The following MTUS2 variants were observed in gnomAD, a reference collection of about 807,000 sequenced individuals.
MTUS2 encodes the protein microtubule-associated tumor suppressor candidate 2.
A neutral mutation model predicts 114.1 loss-of-function variants in MTUS2; 40 were observed. That is an observed-to-expected ratio of 0.35 (90% CI 0.27 to 0.46). The LOEUF (loss-of-function observed/expected upper bound fraction) is 0.46. Ranked by LOEUF, MTUS2 falls within the 20% of genes least tolerant of loss-of-function variation. MTUS2 has a pLI of 1.00. For synonymous variants in MTUS2, 688 were observed against 672.0 expected (o/e 1.02, Z -0.37); for missense variants, 1,679 against 1,705.4 (o/e 0.98, Z 0.27).
chr13:29,249,451 C>G (rs749301834), intron 5 of MTUS2, among the ~76,000 whole-genome samples: 1 of 152,172 alleles, frequency 6.6e-6, no homozygotes, highest in Non-Finnish European at 1.5e-5. Flanking sequence ...TCCTGTTTCT[C>G]CACAGCCTCA....
intron 6 of MTUS2, among the ~76,000 whole-genome samples, chr13:29,306,613 A>C (rs954267583): frequency 6.6e-6 from 1 of 152,234 alleles, no homozygotes; most frequent in Non-Finnish European, 1.5e-5. Flanking sequence ...GGAAAACTAC[A>C]TACCACTGCT....
At chr13:28,878,528 CCT>C (rs1364148350) in intron 2 of MTUS2, among the ~76,000 whole-genome samples, 2 of 152,130 alleles carry the variant, frequency 1.3e-5, no homozygotes, top group East Asian at 3.9e-4. Flanking sequence ...TGTTCTTCTC[CCT>C]GTGTCCATGT....
intron 4 of MTUS2, among the ~76,000 whole-genome samples, chr13:29,090,748 T>C (rs1303530680): frequency 1.3e-5 from 2 of 152,156 alleles, no homozygotes; most frequent in African/African-American, 4.8e-5. Context: ...TCTCTTTAGG[T>C]CTGGTAGCTA....
intron 8 of MTUS2, among the ~76,000 whole-genome samples, chr13:29,392,546 G>C (rs887246686): frequency 1.3e-5 from 2 of 152,200 alleles, no homozygotes; most frequent in Admixed American, 6.5e-5. Flanking sequence ...TTTGTTTAAA[G>C]TCAGGCATAT....
At chr13:29,468,614 T>A (rs1038903128) in intron 9 of MTUS2, among the ~76,000 whole-genome samples, 1 of 147,034 alleles carries the variant, frequency 6.8e-6, no homozygotes, top group Admixed American at 6.7e-5. Context: ...ACACACACAT[T>A]ACTGAGATTT....
At chr13:29,324,106 C>G (rs1472373605) in intron 6 of MTUS2, among the ~76,000 whole-genome samples, 1 of 152,188 alleles carries the variant, frequency 6.6e-6, no homozygotes, top group African/African-American at 2.4e-5. Context: ...AGCTAAAAGG[C>G]TCTCTAGGTC....
chr13:29,059,228 A>ATTTTTTTTTTTTTTTTTTTTTTTGGTT (rs35369352), intron 4 of MTUS2, among the ~76,000 whole-genome samples: 1 of 97,128 alleles, frequency 1.0e-5, no homozygotes, highest in Non-Finnish European at 1.9e-5. Flanking sequence ...TATTCTTTGG[A>ATTTTTTTTTTTTTTTTTTTTTTTGGTT]TTTTTTTTTT....
Position 29,133,656 on chromosome 13 carries a change from C to T in MTUS2, c.2644+32686C>T, listed in dbSNP as rs552212370. Among the ~76,000 whole-genome samples, 25 of 152,266 alleles carry T rather than the reference C, an allele frequency of 1.6e-4. 1 individual carries two copies. The South Asian group carries it at 2.7e-3, about 16-fold the overall frequency. On this transcript the variant is annotated intron_variant, in intron 5 of 15. Coordinates refer to ENST00000612955, the MANE Select transcript of MTUS2 (RefSeq NM_001033602.4). The stretch of plus-strand genomic sequence containing the variant: ...ATGGCACCTTGTTAAAATCATTTGA[C>T]CATAAATGTAAGGGTTTACTTTTGG...
chr13:28,937,750 G>A (rs1881988027), intron 2 of MTUS2, among the ~76,000 whole-genome samples: 1 of 152,116 alleles, frequency 6.6e-6, no homozygotes, highest in Non-Finnish European at 1.5e-5. Flanking sequence ...CCCTGAGTGG[G>A]GTGCAGTGAC....
At chr13:29,283,164 G>T (rs1037395661) in intron 6 of MTUS2, among the ~76,000 whole-genome samples, 2 of 152,186 alleles carry the variant, frequency 1.3e-5, no homozygotes, top group Non-Finnish European at 2.9e-5. Flanking sequence ...CTTGATGGGA[G>T]TGAAGTATTA....
intron 12 of MTUS2, among the ~76,000 whole-genome samples, chr13:29,493,748 G>A (rs1387740592): frequency 3.9e-5 from 6 of 152,138 alleles, no homozygotes; most frequent in African/African-American, 1.2e-4. Flanking sequence ...CAATAGTTGC[G>A]CTATCCTTAA....
At chr13:29,142,061 T>C (rs750975945) in intron 5 of MTUS2, among the ~76,000 whole-genome samples, 34 of 152,082 alleles carry the variant, frequency 2.2e-4, no homozygotes, top group East Asian at 1.9e-4. Flanking sequence ...GGGGTTTCAC[T>C]GTGTTAGCCA....
At chr13:29,013,499 T>G (rs1225232195) in intron 2 of MTUS2, among the ~76,000 whole-genome samples, 1 of 152,228 alleles carries the variant, frequency 6.6e-6, no homozygotes, top group African/African-American at 2.4e-5. Context: ...ATCCCATGCT[T>G]TATTTTAGGT....
At chr13:29,390,057 ATATATACACATACATATACACATACG>A (rs1873291458) in intron 8 of MTUS2, among the ~76,000 whole-genome samples, 1 of 1,298 alleles carries the variant, frequency 7.7e-4, no homozygotes, top group Admixed American at 0.026. Flanking sequence ...ATACACATAC[ATATATACACATACATATACACATACG>A]TATATGTACA....
At chr13:29,104,828 C>T (rs910460651) in intron 5 of MTUS2, among the ~76,000 whole-genome samples, 3 of 152,298 alleles carry the variant, frequency 2.0e-5, no homozygotes, top group Non-Finnish European at 4.4e-5. Flanking sequence ...GTAAACTTAA[C>T]ATATCGGTCT....
intron 8 of MTUS2, among the ~76,000 whole-genome samples, chr13:29,365,596 G>A (rs548693105): frequency 6.6e-6 from 1 of 151,784 alleles, no homozygotes; most frequent in South Asian, 2.1e-4. Flanking sequence ...TTCAGCTGCT[G>A]CTTTGCAGAA....
At chr13:29,342,834 T>G (rs1468566640) in intron 7 of MTUS2, among the ~76,000 whole-genome samples, 1 of 152,172 alleles carries the variant, frequency 6.6e-6, no homozygotes, top group Non-Finnish European at 1.5e-5. Context: ...GTATGTCCTT[T>G]CTGTGCTGAT....
At chr13:29,492,540 A>G in intron 11 of MTUS2, 106 bp from the exon 12 acceptor site, 1 of 787,128 alleles carries the variant, frequency 1.3e-6, no homozygotes, top group South Asian at 1.6e-5. Context: ...GCTATACGGG[A>G]GTCATTTATT....
chr13:29,272,181 T>G (rs550136252), intron 5 of MTUS2, among the ~76,000 whole-genome samples: 1 of 152,340 alleles, frequency 6.6e-6, no homozygotes, highest in East Asian at 1.9e-4. Context: ...AACATTCAGT[T>G]GATACTTTAA....
Sources: gnomAD v4.1 joint callset for allele counts (sites outside exome capture counted in the v4.1 genomes callset) on GRCh38, gnomAD v4.1.1 for gene constraint, MANE v1.5 for transcripts, NCBI Gene and HGNC (gene_info 2026-07-23, HGNC 2026-07-21) for gene names.